The following DET1 variants were observed in gnomAD, a reference collection of about 807,000 sequenced individuals.
DET1 encodes the protein DET1 homolog.
Under a neutral mutation model 43.7 loss-of-function variants are expected in DET1, and 22 were observed. That is an observed-to-expected ratio of 0.50 (90% CI 0.36 to 0.72). The LOEUF is 0.72. DET1 is among the 30% of genes least tolerant of loss of function. The pLI, the probability that DET1 is intolerant of heterozygous loss-of-function variation, is 0.00. For synonymous variants in DET1, 315 were observed against 266.2 expected (o/e 1.18, Z -1.79); for missense variants, 713 against 713.3 (o/e 1.00, Z 0.00).
At chr15:88,526,503 G>A (rs1181933254) in intron 3 of DET1, among the ~76,000 whole-genome samples, 3 of 148,902 alleles carry the variant, frequency 2.0e-5, no homozygotes, top group Non-Finnish European at 4.4e-5. Context: ...TATATATTTA[G>A]GGTGACCTAA....
At position 88,512,732 on chromosome 15, in the gene DET1, G is replaced by T; in HGVS notation, c.*219C>A. The T allele has an allele frequency of 7.9e-7, 1 of 1,267,720 alleles. No homozygotes were observed. Among genetic ancestry groups the T allele is most frequent in the Non-Finnish European group, 9.9e-7 (1 of 1,008,074 alleles). The allele number at this position is 1,267,720 out of a possible 1,614,324, so 78.5% of individuals were successfully genotyped here. On this transcript the variant is annotated 3_prime_UTR_variant, in exon 5 of 5. Coordinates refer to ENST00000268148, the MANE Select transcript of DET1 (RefSeq NM_001144074.3). The stretch of plus-strand genomic sequence containing the variant: ...TGCTGGGCATTCCCACAGGGAAAAC[G>T]CAAGAGGATATTATAACAATCAGTA...
Position 88,531,541 on chromosome 15 carries a change from A to T in DET1, c.165T>A (p.Val55=), listed in dbSNP as rs199964884. ...TACGCAAGAAACAAGGAGGCTTTTCAACGTTGACAACTGTGAAGTTGGGGA... is the reference window on the plus strand; with the variant it reads ...TACGCAAGAAACAAGGAGGCTTTTCTACGTTGACAACTGTGAAGTTGGGGA... The part of the protein sequence containing the change: ...NVFPNFTVVN[V]EKPPCFLRKF... Residue 55 remains valine (V), a synonymous_variant, in exon 2 of 5, where the codon GTT becomes GTA. Transcript: ENST00000268148. The surrounding 1 kb of genome is among the most constrained non-coding windows in gnomAD (Gnocchi z 6.2). 216 of 1,614,016 alleles carry T rather than the reference A, an allele frequency of 1.3e-4. 1 individual carries two copies. Among genetic ancestry groups the T allele is most frequent in the Middle Eastern group, 1.2e-3 (7 of 6,062 alleles).
chr15:88,522,871 T>G (rs2056538366), intron 3 of DET1, among the ~76,000 whole-genome samples: 1 of 143,288 alleles, frequency 7.0e-6, no homozygotes, highest in Non-Finnish European at 1.5e-5. Context: ...GTAACATTGT[T>G]TTTTTTTTCT....
At chr15:88,530,172 T>C (rs554756148) in intron 2 of DET1, among the ~76,000 whole-genome samples, 2 of 152,330 alleles carry the variant, frequency 1.3e-5, no homozygotes, top group South Asian at 2.1e-4. Context: ...GAGAAGTAAA[T>C]TGACATTAAC....
At chr15:88,542,032 T>C (rs1289205787) in intron 1 of DET1, among the ~76,000 whole-genome samples, 4 of 152,070 alleles carry the variant, frequency 2.6e-5, no homozygotes. Flanking sequence ...TTTTTCTACT[T>C]CTGACTTGTA....
downstream of DET1, chr15:88,511,631 A>C: frequency 2.0e-6 from 2 of 983,252 alleles, no homozygotes; most frequent in African/African-American, 3.5e-5. Flanking sequence ...TATTATAATA[A>C]TCTGTCTATT....
chr15:88,511,770 C>T (rs1277213080), downstream of DET1, among the ~76,000 whole-genome samples: 1 of 152,214 alleles, frequency 6.6e-6, no homozygotes, highest in Non-Finnish European at 1.5e-5. Context: ...ATTAGATGAA[C>T]TGTTTTTGGT....
rs568883500 is a variant in DET1, at chr15:88,524,719, A to T, written c.1271+2880T>A. ...TTAAATGGATTAAGGGCGGTGCAAG[A>T]TGTGCTTTGTTAAACAGATGCTTGA... On this transcript the variant is annotated intron_variant, in intron 3 of 4. Coordinates refer to ENST00000268148, the MANE Select transcript of DET1 (RefSeq NM_001144074.3). Among the ~76,000 whole-genome samples the T allele has an allele frequency of 5.4e-3, 825 of 152,262 alleles. 10 individuals carry two copies. The highest frequency in any genetic ancestry group is 0.019 in the African/African-American group (781 of 41,546).
intron 1 of DET1, among the ~76,000 whole-genome samples, chr15:88,539,836 G>C (rs565257843): frequency 1.3e-5 from 2 of 152,166 alleles, no homozygotes; most frequent in Non-Finnish European, 1.5e-5. Context: ...CAAGTGATTG[G>C]ACCTCCTCTA....
intron 1 of DET1, among the ~76,000 whole-genome samples, chr15:88,535,737 T>C (rs750049892): frequency 2.0e-5 from 3 of 146,720 alleles, no homozygotes; most frequent in Non-Finnish European, 4.5e-5. Flanking sequence ...GCCTGGGCAA[T>C]GCAGTGAGAC....
intron 1 of DET1, among the ~76,000 whole-genome samples, chr15:88,542,331 C>T (rs181274821): frequency 2.0e-5 from 3 of 152,204 alleles, no homozygotes; most frequent in Admixed American, 6.5e-5. Flanking sequence ...GAGCCTTGGA[C>T]GATTTTCACT....
Position 88,531,416 on chromosome 15 carries a change from A to C in DET1, c.290T>G (p.Leu97Arg). The C allele has an allele frequency of 1.2e-6, 2 of 1,614,068 alleles. No individual in the cohort carries two copies. Among genetic ancestry groups the C allele is most frequent in the Non-Finnish European group, 1.7e-6 (2 of 1,179,900 alleles). The change falls in exon 2 of 5, where the codon CTG becomes CGG. Residue 97 changes from leucine (L) to arginine (R), a missense_variant. Coordinates refer to ENST00000268148, the MANE Select transcript of DET1 (RefSeq NM_001144074.3). This position sits in a 1 kb window ranked among gnomAD's most constrained non-coding sequence, Gnocchi z 6.2. ...YQGCQAAEDL[L>R]QGYEGEILSN... ...CAGGATTTCTCCTTCGTATCCCTGCAGTAGGTCCTCTGCTGCCTGGCAGCC... is the reference window on the plus strand; with the variant it reads ...CAGGATTTCTCCTTCGTATCCCTGCCGTAGGTCCTCTGCTGCCTGGCAGCC...
intron 1 of DET1, among the ~76,000 whole-genome samples, chr15:88,544,839 C>T (rs2057205768): frequency 6.6e-6 from 1 of 152,136 alleles, no homozygotes; most frequent in South Asian, 2.1e-4. Context: ...GTCTCCTTTG[C>T]AGTTGATTTT....
intron 1 of DET1, chr15:88,532,027 C>A (rs368231752): frequency 1.9e-5 from 4 of 214,722 alleles, no homozygotes. Flanking sequence ...TTCGGCTGGG[C>A]GCAGTGGCTC....
At chr15:88,522,362 T>C (rs1010726930) in intron 3 of DET1, among the ~76,000 whole-genome samples, 6 of 152,082 alleles carry the variant, frequency 3.9e-5, no homozygotes, top group African/African-American at 1.2e-4. Flanking sequence ...ATATTTGGCC[T>C]CCTAGGCAGG....
chr15:88,516,491 T>C lies in DET1; in HGVS notation c.1463+291A>G, dbSNP rs775410686. 6.6e-6 allele frequency among the ~76,000 whole-genome samples: 1 copy of C among 152,204 alleles called. No homozygotes were observed. Among genetic ancestry groups the C allele is most frequent in the East Asian group, 1.9e-4 (1 of 5,200 alleles). Reference sequence around the variant, plus strand: ...AATGTCAAAAACTATTATGGAATGGTATTAGATTATTAAATGGGAAAGTAC... The same window carrying C: ...AATGTCAAAAACTATTATGGAATGGCATTAGATTATTAAATGGGAAAGTAC... On this transcript the variant is annotated intron_variant, in intron 4 of 4. Transcript: ENST00000268148. The surrounding 1 kb of genome is among the most constrained non-coding windows in gnomAD (Gnocchi z 4.4).
chr15:88,532,326 A>T (rs1238915360), intron 1 of DET1, among the ~76,000 whole-genome samples: 1 of 152,136 alleles, frequency 6.6e-6, no homozygotes, highest in African/African-American at 2.4e-5. Context: ...AAAAAATCAT[A>T]TTCAATGTGC....
intron 3 of DET1, among the ~76,000 whole-genome samples, chr15:88,527,325 A>T (rs990538285): frequency 6.6e-6 from 1 of 152,230 alleles, no homozygotes; most frequent in Non-Finnish European, 1.5e-5. Context: ...TAAGTGCTTG[A>T]CAGTGTACCA....
downstream of DET1, among the ~76,000 whole-genome samples, chr15:88,510,930 C>A (rs756070818): frequency 3.3e-5 from 5 of 151,970 alleles, no homozygotes; most frequent in East Asian, 5.8e-4. Flanking sequence ...CCCGCCACCA[C>A]GTCCCGCTAA....
Sources: allele counts gnomAD v4.1 joint callset (sites outside exome capture counted in the v4.1 genomes callset), GRCh38; gene constraint gnomAD v4.1.1; non-coding constraint Gnocchi (gnomAD v3.1); transcripts MANE v1.5; gene names NCBI Gene and HGNC (gene_info 2026-07-23, HGNC 2026-07-21).